The following CYP4X1 variants were observed in gnomAD, a reference collection of about 807,000 sequenced individuals.
CYP4X1 encodes the protein cytochrome P450 family 4 subfamily X member 1.
Under a neutral mutation model 57.9 loss-of-function variants are expected in CYP4X1, and 44 were observed. The observed-to-expected ratio is 0.76, with a 90% confidence interval of 0.60 to 0.98. The LOEUF is 0.98. CYP4X1 is among the 50% of genes least tolerant of loss of function. The probability of loss-of-function intolerance (pLI) is 0.00; values close to 1 mark genes in which losing one functional copy is unlikely to be tolerated. For missense variants in CYP4X1, 532 were observed against 623.9 expected (o/e 0.85, Z 1.57); for synonymous variants, 227 against 228.6 (o/e 0.99, Z 0.06).
the CYP4X1 span, chr1:46,961,692 A>C: frequency 7.7e-7 from 1 of 1,293,736 alleles, no homozygotes; most frequent in African/African-American, 1.5e-5. Context: ...TATTTGACCC[A>C]ACCAACTTCT....
rs1254853988 is a variant in CYP4X1 at position 47,030,077 on chromosome 1, G to A, written c.265G>A (p.Ala89Thr). 6.2e-7 allele frequency: 1 copy of A among 1,613,952 alleles called. No homozygotes were observed. Among genetic ancestry groups the A allele is most frequent in the East Asian group, 2.2e-5 (1 of 44,888 alleles). ...CCCTTTCTGGATTGGGCCCTTTCAG[G>A]CATTTTTCTGTATCTATGACCCAGA... The part of the protein sequence containing the change: ...AFPFWIGPFQ[A>T]FFCIYDPDYA... The change falls in exon 2 of 12, where the codon GCA becomes ACA. Residue 89 changes from alanine (A) to threonine (T), a missense_variant. Physicochemically the swap from Ala to Thr is moderately conservative, Grantham distance 58. Coordinates refer to ENST00000371901, the MANE Select transcript of CYP4X1 (RefSeq NM_178033.2).
rs2148506258 is a variant in CYP4X1 at position 47,029,924 on chromosome 1, C to T, written c.178-66C>T. On this transcript the variant is annotated intron_variant, in intron 1 of 11. Transcript: ENST00000371901. ...TGACCTTATCAGGTCCTGAACTCAG[C>T]TTGTGTCTATAAGAGGGGACAGGTC... is the stretch of plus-strand genomic sequence containing the variant. 8.3e-6 allele frequency: 13 copies of T among 1,569,168 alleles called. 1 individual carries two copies. The highest frequency in any genetic ancestry group is 2.0e-4 in the Middle Eastern group (1 of 5,112).
chr1:47,040,943 T>C (rs1644240374), intron 8 of CYP4X1, among the ~76,000 whole-genome samples: 1 of 152,216 alleles, frequency 6.6e-6, no homozygotes, highest in Non-Finnish European at 1.5e-5. Flanking sequence ...AACATCCCTG[T>C]AATCCCCCAT....
intron 1 of CYP4X1, among the ~76,000 whole-genome samples, chr1:47,024,330 A>G (rs996595689): frequency 6.6e-6 from 1 of 152,236 alleles, no homozygotes; most frequent in Non-Finnish European, 1.5e-5. Flanking sequence ...TTGCTTTAAA[A>G]ATAGCATGTT....
At chr1:46,975,867 T>A in the CYP4X1 span, among the ~76,000 whole-genome samples, 1 of 152,112 alleles carries the variant, frequency 6.6e-6, no homozygotes. Context: ...TCAAAAAAAT[T>A]TTTTTTCTTT....
chr1:46,996,415 G>T, the CYP4X1 span, among the ~76,000 whole-genome samples: 1 of 152,164 alleles, frequency 6.6e-6, no homozygotes, highest in Non-Finnish European at 1.5e-5. Context: ...GCAGGATGAG[G>T]TGTCAGGTTA....
chr1:47,041,483 C>A (rs1475002026), intron 8 of CYP4X1, among the ~76,000 whole-genome samples: 2 of 152,106 alleles, frequency 1.3e-5, no homozygotes, highest in Non-Finnish European at 2.9e-5. Context: ...TTCTAATGAG[C>A]ATGAGGTGAT....
rs1366423403 is a variant in CYP4X1 at position 47,038,689 on chromosome 1, C to T, written c.805C>T (p.Leu269Phe). The T allele has an allele frequency of 3.1e-6, 5 of 1,609,892 alleles. No individual in the cohort carries two copies. The highest frequency in any genetic ancestry group is 3.4e-6 in the Non-Finnish European group (4 of 1,178,076). The change falls in exon 7 of 12, where the codon CTC becomes TTC. Residue 269 changes from leucine (L) to phenylalanine (F), a missense_variant. Leu to Phe is a conservative substitution (Grantham distance 22). Transcript: ENST00000371901. The stretch of plus-strand genomic sequence containing the variant: ...AATAATCCAGGAAAGAAAGAAATCC[C>T]TCCAGGCTGGGGTAAAGCAGGATAA... ...DTIIQERKKS[L>F]QAGVKQDNTP...
In CYP4X1 at chr1:47,023,960, C is replaced by T. The variant is rs1161627916; in HGVS notation, c.143C>T (p.Ala48Val). The T allele has an allele frequency of 1.2e-6, 2 of 1,612,966 alleles. No homozygotes were observed. Among genetic ancestry groups the T allele is most frequent in the Non-Finnish European group, 1.7e-6 (2 of 1,179,812 alleles). ...CTGCGGGACCTGCGCCCCTTCCCAG[C>T]GCCCCCCACCCACTGGTTCCTTGGG... ...RLLRDLRPFP[A>V]PPTHWFLGHQ... The change falls in exon 1 of 12, where the codon GCG becomes GTG. Residue 48 changes from alanine to valine, a missense_variant. Ala to Val is a moderately conservative substitution (Grantham distance 64). Transcript: ENST00000371901.
At chr1:46,977,520 C>T in the CYP4X1 span, among the ~76,000 whole-genome samples, 506 of 151,788 alleles carry the variant, frequency 3.3e-3, 3 homozygotes, top group African/African-American at 0.011. Flanking sequence ...CGAAAGTGAC[C>T]GAGAGAATGG....
downstream of CYP4X1, among the ~76,000 whole-genome samples, chr1:47,054,611 G>A (rs1007639638): frequency 6.6e-6 from 1 of 152,086 alleles, no homozygotes; most frequent in Non-Finnish European, 1.5e-5. Context: ...GCGGTTTGTA[G>A]TTCTCCTTGA....
At chr1:46,997,116 T>C in the CYP4X1 span, among the ~76,000 whole-genome samples, 1 of 152,062 alleles carries the variant, frequency 6.6e-6, no homozygotes, top group Non-Finnish European at 1.5e-5. Flanking sequence ...TTATGTCTAC[T>C]CCTTTACAAA....
At chr1:47,005,664 T>A in the CYP4X1 span, among the ~76,000 whole-genome samples, 1 of 152,242 alleles carries the variant, frequency 6.6e-6, no homozygotes, top group Non-Finnish European at 1.5e-5. Context: ...GTGTAAGCAA[T>A]TTTCAAGTTC....
chr1:47,008,635 G>A, the CYP4X1 span, among the ~76,000 whole-genome samples: 2 of 152,164 alleles, frequency 1.3e-5, no homozygotes, highest in Non-Finnish European at 2.9e-5. Flanking sequence ...TGGCAAATTG[G>A]ATAAAGAGTC....
intron 9 of CYP4X1, among the ~76,000 whole-genome samples, chr1:47,047,649 T>G (rs1298822563): frequency 6.6e-6 from 1 of 152,216 alleles, no homozygotes; most frequent in Non-Finnish European, 1.5e-5. Flanking sequence ...TAGCCCAGGC[T>G]GGAGTACAGT....
At chr1:47,026,659 CT>C (rs1374629700) in intron 1 of CYP4X1, among the ~76,000 whole-genome samples, 1 of 152,070 alleles carries the variant, frequency 6.6e-6, no homozygotes, top group African/African-American at 2.4e-5. Flanking sequence ...ATTAGGTCTT[CT>C]GATCCATGAA....
In CYP4X1 at chr1:47,023,734, G is replaced by T; in HGVS notation, c.-84G>T. 1 of 1,502,702 alleles carries T rather than the reference G, an allele frequency of 6.7e-7. No homozygotes were observed. The highest frequency in any genetic ancestry group is 2.1e-5 in the Admixed American group (1 of 46,818). 93.1% of individuals were successfully genotyped at this position (1,502,702 alleles called of 1,614,324 possible). On this transcript the variant is annotated 5_prime_UTR_variant, in exon 1 of 12. Coordinates refer to ENST00000371901, the MANE Select transcript of CYP4X1 (RefSeq NM_178033.2). ...GGCCCAGAGAGGCGGTGGGGTGGGC[G>T]ACCCTACGCCAGCTCCGGGCGGGAG...
chr1:47,039,596 C>A, intron 8 of CYP4X1, 64 bp downstream of exon 8: 2 of 1,403,134 alleles, frequency 1.4e-6, no homozygotes, highest in South Asian at 1.5e-5. Context: ...TTATTTTTTG[C>A]GCTGGTACCT....
At chr1:47,002,216 A>G in the CYP4X1 span, among the ~76,000 whole-genome samples, 1 of 152,214 alleles carries the variant, frequency 6.6e-6, no homozygotes, top group African/African-American at 2.4e-5. Flanking sequence ...CAGGGTCAGT[A>G]CCTGTTATCT....
Sources: gnomAD v4.1 joint callset for allele counts (sites outside exome capture counted in the v4.1 genomes callset) on GRCh38, gnomAD v4.1.1 for gene constraint, MANE v1.5 for transcripts, NCBI Gene and HGNC (gene_info 2026-07-23, HGNC 2026-07-21) for gene names.